Variants in SPSB1 observed in about 807,000 individuals in gnomAD.
SPSB1 encodes splA/ryanodine receptor domain and SOCS box containing 1, also known as SPRY domain-containing SOCS box protein 1.
In SPSB1, 8 loss-of-function variants were observed where a neutral mutation model predicts 21.2. That is an observed-to-expected ratio of 0.38 (90% CI 0.22 to 0.68). The LOEUF (loss-of-function observed/expected upper bound fraction) is 0.68. Ranked by LOEUF, SPSB1 falls within the 30% of genes least tolerant of loss-of-function variation. The pLI, the probability that SPSB1 is intolerant of heterozygous loss-of-function variation, is 0.53. For synonymous variants in SPSB1, 169 were observed against 161.7 expected (o/e 1.05, Z -0.34); for missense variants, 242 against 377.8 (o/e 0.64, Z 2.98).
intron 2 of SPSB1, among the ~76,000 whole-genome samples, chr1:9,358,249 GCTGTGA>G (rs1326266537): frequency 6.6e-6 from 1 of 152,146 alleles, no homozygotes. Context: ...TTGGTCCTCT[GCTGTGA>G]CTTTGACTGT....
At chr1:9,360,697 C>G (rs532222329) in intron 2 of SPSB1, among the ~76,000 whole-genome samples, 1 of 152,352 alleles carries the variant, frequency 6.6e-6, no homozygotes, top group African/African-American at 2.4e-5. Context: ...CGTGGCCCCT[C>G]CTCTTCTTAG....
At chr1:9,304,651 G>A (rs148848684) in intron 1 of SPSB1, among the ~76,000 whole-genome samples, 33 of 152,198 alleles carry the variant, frequency 2.2e-4, no homozygotes, top group African/African-American at 8.0e-4. Context: ...CAGCTAGTTT[G>A]GGGGTCATCG....
chr1:9,355,034 G>T (rs1334576554), intron 1 of SPSB1, among the ~76,000 whole-genome samples: 1 of 152,242 alleles, frequency 6.6e-6, no homozygotes, highest in Non-Finnish European at 1.5e-5. Context: ...CAGGAAAAAG[G>T]TGGTTGGTCA....
intron 1 of SPSB1, among the ~76,000 whole-genome samples, chr1:9,342,544 G>C (rs558210102): frequency 1.3e-5 from 2 of 152,184 alleles, no homozygotes; most frequent in Admixed American, 6.5e-5. Context: ...GAAAGTAGGC[G>C]CCTAGGAATC....
intron 1 of SPSB1, among the ~76,000 whole-genome samples, chr1:9,316,998 G>T (rs544315866): frequency 6.6e-6 from 1 of 152,364 alleles, no homozygotes; most frequent in South Asian, 2.1e-4. Flanking sequence ...CACCTTGGAT[G>T]CACCTTCCTG....
chr1:9,301,721 G>A (rs951851108), intron 1 of SPSB1, among the ~76,000 whole-genome samples: 1 of 152,196 alleles, frequency 6.6e-6, no homozygotes, highest in African/African-American at 2.4e-5. Context: ...CATGGGCTCA[G>A]CAGCATGGAC....
At chr1:9,304,410 C>T (rs182091082) in intron 1 of SPSB1, among the ~76,000 whole-genome samples, 24 of 152,260 alleles carry the variant, frequency 1.6e-4, no homozygotes, top group African/African-American at 5.1e-4. Context: ...CCTCTCGATC[C>T]TATGGGTTTT....
intron 1 of SPSB1, among the ~76,000 whole-genome samples, chr1:9,344,794 T>C (rs988734323): frequency 6.6e-6 from 1 of 151,964 alleles, no homozygotes; most frequent in Non-Finnish European, 1.5e-5. Flanking sequence ...TCTCTCTGGG[T>C]TGATGCTTCC....
intron 1 of SPSB1, among the ~76,000 whole-genome samples, chr1:9,318,825 C>T (rs1273749788): frequency 6.6e-6 from 1 of 152,180 alleles, no homozygotes; most frequent in African/African-American, 2.4e-5. Context: ...GGGACAGTCA[C>T]ATGAGCTGGT....
chr1:9,326,490 C>G (rs968304128), intron 1 of SPSB1, among the ~76,000 whole-genome samples: 4 of 152,210 alleles, frequency 2.6e-5, no homozygotes, highest in Admixed American at 2.6e-4. Context: ...AGGTTCACCT[C>G]GAGACCACCA....
intron 2 of SPSB1, among the ~76,000 whole-genome samples, chr1:9,360,596 C>T (rs372944699): frequency 6.6e-6 from 1 of 152,268 alleles, no homozygotes; most frequent in Non-Finnish European, 1.5e-5. Flanking sequence ...TGGGGGCTGC[C>T]GGGAATCCTT....
intron 1 of SPSB1, among the ~76,000 whole-genome samples, chr1:9,298,392 GAATGAAT>G (rs1639260691): frequency 8.7e-6 from 1 of 115,324 alleles, no homozygotes; most frequent in Admixed American, 8.0e-5. Context: ...ATGAGTGAAT[GAATGAAT>G]GAGTGAACGA....
chr1:9,325,159 G>A (rs1399660174), intron 1 of SPSB1, among the ~76,000 whole-genome samples: 4 of 152,134 alleles, frequency 2.6e-5, no homozygotes, highest in East Asian at 3.9e-4. Flanking sequence ...TCCCCCAGCC[G>A]GGGCGCTGGG....
At position 9,361,900 on chromosome 1, in the gene SPSB1, G is replaced by A. The variant is rs899691636; in HGVS notation, c.694+5315G>A. ...CAGGCTGGCAGGCTGTCCAGGGGGAGCCCCTGACCTTGTGGGTCCTCTGGC... is the reference window on the plus strand; with the variant it reads ...CAGGCTGGCAGGCTGTCCAGGGGGAACCCCTGACCTTGTGGGTCCTCTGGC... On this transcript the variant is annotated intron_variant, in intron 2 of 2. Transcript: ENST00000328089. Among the ~76,000 whole-genome samples, 5 of 152,230 alleles carry A rather than the reference G, an allele frequency of 3.3e-5. No homozygotes were observed. In the East Asian group the frequency reaches 9.6e-4, roughly 29 times the overall value.
chr1:9,359,357 G>A lies in SPSB1; in HGVS notation c.694+2772G>A, dbSNP rs143671771. ...GTGTTAGCGCTGCCAGCCTCAACCCGCTTAACCCGACACCTCTGGACGCTT... is the reference window on the plus strand; with the variant it reads ...GTGTTAGCGCTGCCAGCCTCAACCCACTTAACCCGACACCTCTGGACGCTT... On this transcript the variant is annotated intron_variant, in intron 2 of 2. Coordinates refer to ENST00000328089, the MANE Select transcript of SPSB1 (RefSeq NM_025106.4). Among the ~76,000 whole-genome samples the A allele has an allele frequency of 4.9e-3, 739 of 152,312 alleles. 5 individuals carry two copies. Among genetic ancestry groups the A allele is most frequent in the African/African-American group, 0.017 (691 of 41,566 alleles).
At chr1:9,315,866 GAAAACAAAAC>G (rs375109143) in intron 1 of SPSB1, among the ~76,000 whole-genome samples, 73 of 152,326 alleles carry the variant, frequency 4.8e-4, no homozygotes, top group African/African-American at 1.4e-3. Context: ...CATTTAAGGG[GAAAACAAAAC>G]AAAACAAAAC....
chr1:9,360,256 G>A (rs1444924293), intron 2 of SPSB1, among the ~76,000 whole-genome samples: 1 of 152,200 alleles, frequency 6.6e-6, no homozygotes, highest in African/African-American at 2.4e-5. Context: ...TGGATGCCAA[G>A]TGAGGAAGGG....
chr1:9,328,001 G>A (rs549364276), intron 1 of SPSB1, among the ~76,000 whole-genome samples: 1 of 152,258 alleles, frequency 6.6e-6, no homozygotes, highest in Non-Finnish European at 1.5e-5. Context: ...GGTGAATGGA[G>A]TGCTGCAATC....
At chr1:9,364,544 G>A (rs1407139518) in intron 2 of SPSB1, among the ~76,000 whole-genome samples, 4 of 152,190 alleles carry the variant, frequency 2.6e-5, no homozygotes, top group South Asian at 2.1e-4. Flanking sequence ...GTGAGGAGCC[G>A]GGTGGGTGGA....
Sources: gnomAD v4.1 joint callset for allele counts (sites outside exome capture counted in the v4.1 genomes callset) on GRCh38, gnomAD v4.1.1 for gene constraint, MANE v1.5 for transcripts, NCBI Gene and HGNC (gene_info 2026-07-23, HGNC 2026-07-21) for gene names.